Variants in HIVEP3 observed in about 807,000 individuals in gnomAD.
HIVEP3 encodes the protein transcription factor HIVEP3.
Under a neutral mutation model 152.8 loss-of-function variants are expected in HIVEP3, and 49 were observed. The ratio of observed to expected loss-of-function variants is 0.32; its 90% CI spans 0.26 to 0.41. The LOEUF is 0.41. HIVEP3 is among the 10% of genes least tolerant of loss of function. The pLI is 1.00. For synonymous variants in HIVEP3, 1,269 were observed against 1,289.0 expected (o/e 0.98, Z 0.33); for missense variants, 2,790 against 3,103.3 (o/e 0.90, Z 2.40).
chr1:41,811,321 T>C (rs1650945623), intron 1 of HIVEP3, among the ~76,000 whole-genome samples: 2 of 151,272 alleles, frequency 1.3e-5, no homozygotes, highest in African/African-American at 4.9e-5. Flanking sequence ...AGTCTCCTGC[T>C]CATAAGAAAC....
intron 1 of HIVEP3, among the ~76,000 whole-genome samples, chr1:41,985,203 A>C (rs897235093): frequency 4.6e-5 from 7 of 152,314 alleles, no homozygotes; most frequent in African/African-American, 1.7e-4. Context: ...AAGAGGATGG[A>C]TTGTAGTGAG....
chr1:41,926,625 A>C (rs1359791269), intron 1 of HIVEP3, among the ~76,000 whole-genome samples: 1 of 152,150 alleles, frequency 6.6e-6, no homozygotes, highest in Non-Finnish European at 1.5e-5. Context: ...AGTTATGGAG[A>C]GCTTACTATG....
In HIVEP3 at chr1:41,764,936, A is replaced by G. The variant is rs732553; in HGVS notation, c.-800-63941T>C. ...CTTCACAACTCAGGGCCATCATCAC[A>G]GGTGGGGGTGGCATGGGATAGATGC... On this transcript the variant is annotated intron_variant, in intron 1 of 8. Coordinates refer to ENST00000372583, the MANE Select transcript of HIVEP3 (RefSeq NM_024503.5). Among the ~76,000 whole-genome samples the G allele has an allele frequency of 1.3e-3, 195 of 152,298 alleles. 1 individual carries two copies. Among genetic ancestry groups the G allele is most frequent in the Middle Eastern group, 6.8e-3 (2 of 294 alleles).
chr1:41,865,993 G>A (rs1419843442), intron 1 of HIVEP3, among the ~76,000 whole-genome samples: 2 of 152,188 alleles, frequency 1.3e-5, no homozygotes, highest in Admixed American at 6.5e-5. Flanking sequence ...GAGGCCTTCT[G>A]TGCCTTCTCT....
intron 2 of HIVEP3, among the ~76,000 whole-genome samples, chr1:41,700,035 G>A (rs952116779): frequency 1.3e-5 from 2 of 152,044 alleles, no homozygotes; most frequent in African/African-American, 4.8e-5. Context: ...TTCACCCGGT[G>A]AACTTCTATT....
At chr1:41,857,232 CCAAGGTCCCGG>C (rs1643792773) in intron 1 of HIVEP3, among the ~76,000 whole-genome samples, 1 of 152,174 alleles carries the variant, frequency 6.6e-6, no homozygotes, top group African/African-American at 2.4e-5. Flanking sequence ...GGTTCCCAAG[CCAAGGTCCCGG>C]CTTCTCTCTG....
chr1:41,735,329 A>G (rs2124194837), intron 1 of HIVEP3, among the ~76,000 whole-genome samples: 1 of 152,350 alleles, frequency 6.6e-6, no homozygotes, highest in African/African-American at 2.4e-5. Context: ...TCTGATGGTG[A>G]CGATGGTGAA....
chr1:41,694,253 A>G (rs1646239460), intron 2 of HIVEP3, among the ~76,000 whole-genome samples: 1 of 151,870 alleles, frequency 6.6e-6, no homozygotes, highest in African/African-American at 2.4e-5. Flanking sequence ...AAGCTTTTCT[A>G]CTCAGCCCTG....
intron 1 of HIVEP3, among the ~76,000 whole-genome samples, chr1:41,852,871 T>C (rs149398342): frequency 6.6e-6 from 1 of 152,364 alleles, no homozygotes; most frequent in African/African-American, 2.4e-5. Flanking sequence ...AGCAACTGGC[T>C]ACTAACTACT....
rs1270865711 is a variant in HIVEP3 at position 41,524,813 on chromosome 1, G to A, written c.5305C>T (p.Leu1769=). 3.1e-6 allele frequency: 5 copies of A among 1,614,074 alleles called. No individual in the cohort carries two copies. The African/African-American group carries it at 6.7e-5, about 22-fold the overall frequency. ...GTGTGGGTGCGGATGTGTTTCTTCA[G>A]CATGCTGGGCTTCTTGCAGCGAATT... is the stretch of plus-strand genomic sequence containing the variant. ...CGIRCKKPSM[L]KKHIRTHTDV... The change falls in exon 6 of 9, where the codon CTG becomes TTG. Residue 1769 remains leucine, a synonymous_variant. Transcript: ENST00000372583.
Position 41,594,394 on chromosome 1 carries a change from C to T in HIVEP3, c.-521-9076G>A, listed in dbSNP as rs571203471. On this transcript the variant is annotated intron_variant, in intron 3 of 8. Coordinates refer to ENST00000372583, the MANE Select transcript of HIVEP3 (RefSeq NM_024503.5). The stretch of plus-strand genomic sequence containing the variant: ...TGCACCACCACACCCAGATAATTTT[C>T]GTATTTTTAGTAGAGATGGGGTTTC... Among the ~76,000 whole-genome samples the T allele has an allele frequency of 3.3e-5, 5 of 151,868 alleles. 1 individual carries two copies. Among genetic ancestry groups the T allele is most frequent in the African/African-American group, 1.2e-4 (5 of 41,434 alleles).
At chr1:42,022,779 T>C (rs1421677596) in intron 1 of HIVEP3, among the ~76,000 whole-genome samples, 1 of 152,218 alleles carries the variant, frequency 6.6e-6, no homozygotes, top group East Asian at 1.9e-4. Context: ...TGGAGTCTTC[T>C]CTGTAGGTAA....
chr1:41,616,087 T>A (rs983784634), intron 3 of HIVEP3, among the ~76,000 whole-genome samples: 1 of 152,014 alleles, frequency 6.6e-6, no homozygotes, highest in African/African-American at 2.4e-5. Context: ...TTCTGTCACC[T>A]CTCCCTCCAC....
chr1:41,885,841 C>T (rs1172598531), intron 1 of HIVEP3, among the ~76,000 whole-genome samples: 1 of 150,964 alleles, frequency 6.6e-6, no homozygotes, highest in Non-Finnish European at 1.5e-5. Context: ...ACTTCTTTCC[C>T]AGGCACAAGG....
intron 2 of HIVEP3, among the ~76,000 whole-genome samples, chr1:41,695,196 G>A (rs1646254978): frequency 6.6e-6 from 1 of 152,200 alleles, no homozygotes; most frequent in South Asian, 2.1e-4. Context: ...GTATGGGGGA[G>A]GTGGTGGACT....
At chr1:41,971,641 T>C (rs772238539) in intron 1 of HIVEP3, among the ~76,000 whole-genome samples, 5 of 152,188 alleles carry the variant, frequency 3.3e-5, no homozygotes, top group Non-Finnish European at 5.9e-5. Flanking sequence ...GGTAAACCTG[T>C]ACATATTCAA....
intron 1 of HIVEP3, among the ~76,000 whole-genome samples, chr1:41,777,934 G>A (rs1324497470): frequency 1.3e-5 from 2 of 152,216 alleles, no homozygotes; most frequent in Non-Finnish European, 2.9e-5. Flanking sequence ...CTTCACGCAT[G>A]GTGTGGTGGA....
intron 1 of HIVEP3, among the ~76,000 whole-genome samples, chr1:41,902,680 C>T (rs1263045762): frequency 2.0e-5 from 3 of 152,294 alleles, no homozygotes; most frequent in Non-Finnish European, 2.9e-5. Context: ...AGTGATCCAA[C>T]GCCATCTGAG....
At chr1:41,804,901 A>G (rs970391372) in intron 1 of HIVEP3, among the ~76,000 whole-genome samples, 5 of 152,058 alleles carry the variant, frequency 3.3e-5, no homozygotes, top group Admixed American at 1.3e-4. Context: ...TAGTTACAGG[A>G]AAAAAAATAT....
Sources: allele counts gnomAD v4.1 joint callset (sites outside exome capture counted in the v4.1 genomes callset), GRCh38; gene constraint gnomAD v4.1.1; transcripts MANE v1.5; gene names NCBI Gene and HGNC (gene_info 2026-07-23, HGNC 2026-07-21).